RORA: variants seen among roughly 807,000 people sequenced by gnomAD.
RORA encodes RAR related orphan receptor A.
Under a neutral mutation model 69.5 loss-of-function variants are expected in RORA, and 7 were observed. The observed-to-expected ratio is 0.10, with a 90% CI of 0.06 to 0.19. The LOEUF (loss-of-function observed/expected upper bound fraction) is 0.19, where lower values mean the gene tolerates loss of function less well. Ranked by LOEUF, RORA falls within the 10% of genes least tolerant of loss-of-function variation. The pLI is 1.00. For synonymous variants in RORA, 261 were observed against 240.8 expected (o/e 1.08, Z -0.78); for missense variants, 457 against 663.0 (o/e 0.69, Z 3.41).
At chr15:60,859,836 A>G (rs2073420175) in intron 1 of RORA, among the ~76,000 whole-genome samples, 1 of 151,876 alleles carries the variant, frequency 6.6e-6, no homozygotes, top group Non-Finnish European at 1.5e-5. Context: ...ATTCCTGCTG[A>G]ATTTCTCTCT....
chr15:61,216,798 G>C (rs1567041518), intron 1 of RORA, among the ~76,000 whole-genome samples: 1 of 152,178 alleles, frequency 6.6e-6, no homozygotes, highest in African/African-American at 2.4e-5. Flanking sequence ...CCAGCCCATG[G>C]TAGCTGAACT....
intron 1 of RORA, among the ~76,000 whole-genome samples, chr15:60,806,391 T>C (rs910807344): frequency 2.0e-5 from 3 of 152,154 alleles, no homozygotes; most frequent in Non-Finnish European, 4.4e-5. Context: ...GCAGACTAAA[T>C]CAGGCCAGAC....
intron 5 of RORA, chr15:60,510,309 A>G (rs1470543679): frequency 6.6e-6 from 1 of 152,226 alleles, no homozygotes; most frequent in Non-Finnish European, 1.5e-5. Flanking sequence ...TTCTAATAAT[A>G]GTGCTGTACT....
intron 1 of RORA, among the ~76,000 whole-genome samples, chr15:61,114,162 G>C (rs1325377523): frequency 1.3e-5 from 2 of 152,146 alleles, no homozygotes; most frequent in East Asian, 1.9e-4. Flanking sequence ...GAGGGAACTG[G>C]AGAGACTTTT....
intron 2 of RORA, chr15:60,592,299 G>T: frequency 1.0e-6 from 1 of 1,001,566 alleles, no homozygotes; most frequent in Non-Finnish European, 1.3e-6. Flanking sequence ...CGTTCGGGCA[G>T]GCGCGCCCAC....
intron 2 of RORA, among the ~76,000 whole-genome samples, chr15:60,674,779 A>G (rs1416497712): frequency 6.6e-6 from 1 of 152,170 alleles, no homozygotes; most frequent in Non-Finnish European, 1.5e-5. Flanking sequence ...TAACAACTCA[A>G]GTTGGGAGTA....
intron 1 of RORA, among the ~76,000 whole-genome samples, chr15:61,162,114 G>GA (rs56184429): frequency 6.6e-6 from 1 of 151,930 alleles, no homozygotes; most frequent in Non-Finnish European, 1.5e-5. Context: ...CCTACAGTCA[G>GA]AAAAAAACGA....
chr15:61,036,179 C>A (rs1036649006), intron 1 of RORA, among the ~76,000 whole-genome samples: 1 of 152,120 alleles, frequency 6.6e-6, no homozygotes, highest in Admixed American at 6.6e-5. Context: ...GAGGCAGCAA[C>A]CAGGGAAAAT....
chr15:60,815,634 C>G (rs982345418), intron 1 of RORA, among the ~76,000 whole-genome samples: 3 of 151,888 alleles, frequency 2.0e-5, no homozygotes, highest in Non-Finnish European at 4.4e-5. Context: ...AATCACAGAT[C>G]TGACCACCAT....
At chr15:60,622,050 A>C (rs1282062135) in intron 2 of RORA, among the ~76,000 whole-genome samples, 1 of 151,570 alleles carries the variant, frequency 6.6e-6, no homozygotes, top group Non-Finnish European at 1.5e-5. Context: ...CTGTGACTCA[A>C]AAAAAAGGAA....
rs16943041 is a variant in RORA at position 60,745,861 on chromosome 15, T to C, written c.167-67175A>G. On this transcript the variant is annotated intron_variant, in intron 1 of 10. Coordinates refer to ENST00000335670, the MANE Select transcript of RORA (RefSeq NM_134261.3). ...CTCCCATTCTGTTTCAGTGACCTCATGCCTTGGACTGGATGCCGCTGGGTC... is the reference window on the plus strand; with the variant it reads ...CTCCCATTCTGTTTCAGTGACCTCACGCCTTGGACTGGATGCCGCTGGGTC... Among the ~76,000 whole-genome samples the C allele has an allele frequency of 8.7e-3, 1,320 of 152,306 alleles. 22 individuals carry two copies. Among genetic ancestry groups the C allele is most frequent in the African/African-American group, 0.031 (1,268 of 41,546 alleles).
At chr15:60,825,052 G>A (rs1460811493) in intron 1 of RORA, among the ~76,000 whole-genome samples, 1 of 152,204 alleles carries the variant, frequency 6.6e-6, no homozygotes, top group Admixed American at 6.5e-5. Context: ...AGTGATGAGA[G>A]CATTGTTGGT....
chr15:60,827,359 C>A (rs1448746452), intron 1 of RORA, among the ~76,000 whole-genome samples: 3 of 152,182 alleles, frequency 2.0e-5, no homozygotes, highest in Non-Finnish European at 2.9e-5. Flanking sequence ...AGAACAGGAG[C>A]TTTAGGGCTG....
In RORA at chr15:60,815,840, T is replaced by C. The variant is rs536673904; in HGVS notation, c.167-137154A>G. Among the ~76,000 whole-genome samples, 242 of 148,968 alleles carry C rather than the reference T, an allele frequency of 1.6e-3. 2 individuals carry two copies. The highest frequency in any genetic ancestry group is 5.8e-3 in the African/African-American group (236 of 40,808). ...TTCATTGACAATAATAGTATATATTTACACTATTTATATACTATAAACTAT... is the reference window on the plus strand; with the variant it reads ...TTCATTGACAATAATAGTATATATTCACACTATTTATATACTATAAACTAT... On this transcript the variant is annotated intron_variant, in intron 1 of 10. Transcript: ENST00000335670.
chr15:60,735,498 C>G (rs75870056), intron 1 of RORA, among the ~76,000 whole-genome samples: 2,540 of 151,720 alleles, frequency 0.017, 80 homozygotes, highest in African/African-American at 0.059. Flanking sequence ...ACTAATGCTA[C>G]TTAATTGAAA....
intron 2 of RORA, among the ~76,000 whole-genome samples, chr15:60,551,595 A>G (rs1221075294): frequency 6.6e-6 from 1 of 152,194 alleles, no homozygotes; most frequent in Non-Finnish European, 1.5e-5. Flanking sequence ...ATGATACTGT[A>G]CTACTGTCCT....
At chr15:60,547,049 G>C (rs1866009) in intron 2 of RORA, among the ~76,000 whole-genome samples, 1 of 152,126 alleles carries the variant, frequency 6.6e-6, no homozygotes, top group Admixed American at 6.5e-5. Context: ...TACTGTGGGC[G>C]TGGAGATGCT....
intron 1 of RORA, among the ~76,000 whole-genome samples, chr15:61,046,624 G>A (rs538804652): frequency 2.0e-5 from 3 of 152,214 alleles, no homozygotes; most frequent in Non-Finnish European, 4.4e-5. Flanking sequence ...AGGTGCCTCT[G>A]ACAAATGTTG....
intron 8 of RORA, among the ~76,000 whole-genome samples, chr15:60,502,024 A>G (rs1398362493): frequency 6.6e-6 from 1 of 152,216 alleles, no homozygotes; most frequent in Non-Finnish European, 1.5e-5. Flanking sequence ...TCTGTCACCC[A>G]GGCTGGGGTG....
Sources: gnomAD v4.1 joint callset for allele counts (sites outside exome capture counted in the v4.1 genomes callset) on GRCh38, gnomAD v4.1.1 for gene constraint, MANE v1.5 for transcripts, NCBI Gene and HGNC (gene_info 2026-07-23, HGNC 2026-07-21) for gene names.